The following GRIK1 variants were observed in gnomAD, a reference collection of about 807,000 sequenced individuals.
GRIK1 encodes glutamate receptor ionotropic, kainate 1.
GRIK1 carries 69 observed loss-of-function variants against 105.7 expected under a neutral mutation model. The ratio of observed to expected loss-of-function variants is 0.65; its 90% CI spans 0.54 to 0.80. The LOEUF is 0.80. Ranked by LOEUF, GRIK1 falls within the 30% of genes least tolerant of loss-of-function variation. GRIK1 has a pLI of 0.00. For synonymous variants in GRIK1, 438 were observed against 431.3 expected, an observed-to-expected ratio of 1.02 and a Z score of -0.19; for missense variants, 1,109 against 1,167.3, an observed-to-expected ratio of 0.95 and a Z score of 0.73.
At chr21:29,674,041 T>C (rs1026243273) in intron 3 of GRIK1, among the ~76,000 whole-genome samples, 56 of 151,698 alleles carry the variant, frequency 3.7e-4, no homozygotes, top group Non-Finnish European at 5.0e-4. Context: ...CTCAAGAACT[T>C]CCATCATACG....
At chr21:29,667,162 G>A (rs984496838) in intron 4 of GRIK1, among the ~76,000 whole-genome samples, 1 of 152,150 alleles carries the variant, frequency 6.6e-6, no homozygotes. Context: ...CCATCCCTTA[G>A]CATAGTGTGC....
At chr21:29,720,123 TAATA>T in intron 1 of GRIK1, among the ~76,000 whole-genome samples, 1 of 152,334 alleles carries the variant, frequency 6.6e-6, no homozygotes, top group Admixed American at 6.5e-5. Flanking sequence ...TTTATCCAGA[TAATA>T]AATAAAGCCC....
intron 1 of GRIK1, among the ~76,000 whole-genome samples, chr21:29,904,219 T>A (rs1231866289): frequency 1.3e-5 from 2 of 152,016 alleles, no homozygotes; most frequent in African/African-American, 2.4e-5. Context: ...TGTGTATACC[T>A]ATGTAACAAA....
At chr21:29,719,438 A>G (rs2064264798) in intron 1 of GRIK1, among the ~76,000 whole-genome samples, 1 of 152,166 alleles carries the variant, frequency 6.6e-6, no homozygotes, top group Non-Finnish European at 1.5e-5. Flanking sequence ...TACAGAGCAG[A>G]GCTTGTTCCT....
intron 1 of GRIK1, among the ~76,000 whole-genome samples, chr21:29,878,729 AG>A (rs1276637359): frequency 6.6e-6 from 1 of 152,144 alleles, no homozygotes. Context: ...CATCACATGA[AG>A]ACACATCAAG....
intron 1 of GRIK1, among the ~76,000 whole-genome samples, chr21:29,809,272 A>G (rs750040304): frequency 1.5e-4 from 23 of 152,196 alleles, no homozygotes; most frequent in Non-Finnish European, 2.6e-4. Context: ...AATAAAGTGA[A>G]TATTGCAGTA....
intron 1 of GRIK1, among the ~76,000 whole-genome samples, chr21:29,912,872 A>T (rs566347898): frequency 6.6e-6 from 1 of 152,192 alleles, no homozygotes; most frequent in African/African-American, 2.4e-5. Context: ...CTACTTATCT[A>T]TACATTTACA....
chr21:29,776,781 C>T (rs1013807904), intron 1 of GRIK1, among the ~76,000 whole-genome samples: 1 of 152,106 alleles, frequency 6.6e-6, no homozygotes, highest in Admixed American at 6.6e-5. Flanking sequence ...GTCATGTTAG[C>T]CAGTAATCTT....
At chr21:29,628,310 A>C (rs1358906583) in intron 7 of GRIK1, among the ~76,000 whole-genome samples, 10 of 152,250 alleles carry the variant, frequency 6.6e-5, no homozygotes, top group Non-Finnish European at 1.0e-4. Context: ...TATTTCAGGA[A>C]CTGAAATGAT....
chr21:29,688,682 T>C (rs2063530046), intron 3 of GRIK1, among the ~76,000 whole-genome samples: 1 of 152,110 alleles, frequency 6.6e-6, no homozygotes, highest in South Asian at 2.1e-4. Flanking sequence ...TAAACAGATA[T>C]TTGAAATATA....
At chr21:29,593,604 A>G (rs2061362633) in intron 9 of GRIK1, among the ~76,000 whole-genome samples, 1 of 152,116 alleles carries the variant, frequency 6.6e-6, no homozygotes, top group Non-Finnish European at 1.5e-5. Context: ...CTGTACTTCT[A>G]ATTAAACCTT....
chr21:29,763,241 C>T (rs1024760791), intron 1 of GRIK1, among the ~76,000 whole-genome samples: 3 of 152,176 alleles, frequency 2.0e-5, no homozygotes, highest in African/African-American at 7.2e-5. Flanking sequence ...GTTCCTCCAG[C>T]TTTCATTCTC....
chr21:29,537,936 A>G, intron 16 of GRIK1, 52 bp from the exon 17 acceptor site: 1 of 845,772 alleles, frequency 1.2e-6, no homozygotes, highest in South Asian at 1.6e-5. Flanking sequence ...ATTTTCTCCA[A>G]AAAACAGAGA....
At chr21:29,799,561 A>T (rs1375230658) in intron 1 of GRIK1, among the ~76,000 whole-genome samples, 2 of 151,914 alleles carry the variant, frequency 1.3e-5, no homozygotes, top group Non-Finnish European at 2.9e-5. Flanking sequence ...ATGGAGTCTC[A>T]CTCTGTCGCC....
chr21:29,641,313 C>T (rs1017390030), intron 7 of GRIK1, among the ~76,000 whole-genome samples: 22 of 152,112 alleles, frequency 1.4e-4, no homozygotes, highest in African/African-American at 5.1e-4. Context: ...CTCGTGATAG[C>T]GAATAAGTCT....
intron 1 of GRIK1, among the ~76,000 whole-genome samples, chr21:29,710,793 TTCCTTC>T (rs2064029996): frequency 6.4e-4 from 2 of 3,134 alleles, no homozygotes; most frequent in Non-Finnish European, 2.8e-3. Context: ...CCCTCCCTCC[TTCCTTC>T]CTTCCTTCCT....
intron 3 of GRIK1, among the ~76,000 whole-genome samples, chr21:29,685,654 C>T (rs189966012): frequency 3.8e-4 from 58 of 152,190 alleles, no homozygotes; most frequent in African/African-American, 1.3e-3. Flanking sequence ...AAGTAAGAAA[C>T]AGCATTTTAA....
At chr21:29,655,122 G>C (rs1023334315) in intron 4 of GRIK1, among the ~76,000 whole-genome samples, 3 of 152,188 alleles carry the variant, frequency 2.0e-5, no homozygotes, top group Admixed American at 1.3e-4. Context: ...TTTAAAAATA[G>C]TTTGGGCCAG....
Position 29,550,107 on chromosome 21 carries a change from C to CAAAAAAAAAAAAAAA in GRIK1, c.2607+4930_2607+4944dup, listed in dbSNP as rs34939329. Among the ~76,000 whole-genome samples, 86 of 53,478 alleles carry CAAAAAAAAAAAAAAA rather than the reference C, an allele frequency of 1.6e-3. 2 individuals are homozygous for CAAAAAAAAAAAAAAA. Among genetic ancestry groups the CAAAAAAAAAAAAAAA allele is most frequent in the African/African-American group, 7.1e-3 (83 of 11,742 alleles). 35.1% of individuals were successfully genotyped at this position (53,478 alleles called of 152,430 possible). On this transcript the variant is annotated intron_variant, in intron 16 of 17. Transcript: ENST00000327783. Reference sequence around the variant, plus strand: ...TGGGCGACAGAGAAAGACTCCATCTCAAAAAAAAAAAAAAAAAAAAAAAAA... The same window carrying CAAAAAAAAAAAAAAA: ...TGGGCGACAGAGAAAGACTCCATCTCAAAAAAAAAAAAAAAAAAAAAAAAAAAAAAAAAAAAAAAA...
Sources: gnomAD v4.1 joint callset for allele counts (sites outside exome capture counted in the v4.1 genomes callset) on GRCh38, gnomAD v4.1.1 for gene constraint, MANE v1.5 for transcripts, NCBI Gene and HGNC (gene_info 2026-07-23, HGNC 2026-07-21) for gene names.